The following DRC8 variants were observed in gnomAD, a reference collection of about 807,000 sequenced individuals.
The protein encoded by DRC8 is dynein regulatory complex subunit 8.
chr1:244,970,693 T>TC, the DRC8 span: 1 of 368,050 alleles, frequency 2.7e-6, no homozygotes, highest in Non-Finnish European at 4.4e-6. Flanking sequence ...CTCTCCCCTC[T>TC]TCCCTCCCTC....
At chr1:244,970,241 G>C in the DRC8 span, 1 of 701,830 alleles carries the variant, frequency 1.4e-6, no homozygotes, top group South Asian at 1.5e-5. Context: ...CGCGAAACGG[G>C]GACAGGGCGC....
chr1:245,078,456 TATGTACAC>T, the DRC8 span, among the ~76,000 whole-genome samples: 409 of 14,608 alleles, frequency 0.028, 2 homozygotes, highest in African/African-American at 0.055. Context: ...GTGGATAGTA[TATGTACAC>T]ACACACACAC....
the DRC8 span, among the ~76,000 whole-genome samples, chr1:245,112,857 A>G: frequency 6.6e-6 from 1 of 151,100 alleles, no homozygotes; most frequent in Non-Finnish European, 1.5e-5. Context: ...GAGTTCAAGC[A>G]GTTCTCCTGC....
At chr1:244,987,823 T>C in the DRC8 span, among the ~76,000 whole-genome samples, 2 of 152,166 alleles carry the variant, frequency 1.3e-5, no homozygotes, top group Non-Finnish European at 2.9e-5. Context: ...TATTTTATCT[T>C]AATTTCTGTA....
the DRC8 span, among the ~76,000 whole-genome samples, chr1:245,022,320 ATT>A: frequency 6.9e-6 from 1 of 144,674 alleles, no homozygotes; most frequent in African/African-American, 2.5e-5. Flanking sequence ...CCCCCGGCTA[ATT>A]TTTTTTTTTT....
At chr1:245,112,911 G>A in the DRC8 span, among the ~76,000 whole-genome samples, 125 of 151,998 alleles carry the variant, frequency 8.2e-4, no homozygotes, top group Non-Finnish European at 1.5e-3. Context: ...CTGCCACCAC[G>A]CCCAGCTAAT....
At chr1:244,984,752 T>C in the DRC8 span, among the ~76,000 whole-genome samples, 1 of 151,698 alleles carries the variant, frequency 6.6e-6, no homozygotes, top group Non-Finnish European at 1.5e-5. Flanking sequence ...GGAGAATCGC[T>C]TGAACCTGGG....
At chr1:245,055,485 A>G in the DRC8 span, among the ~76,000 whole-genome samples, 2 of 151,806 alleles carry the variant, frequency 1.3e-5, no homozygotes, top group Non-Finnish European at 1.5e-5. Flanking sequence ...ACACTCGACT[A>G]ATTTTTAAAA....
the DRC8 span, among the ~76,000 whole-genome samples, chr1:245,055,061 G>T: frequency 4.4e-3 from 672 of 152,260 alleles, 1 homozygote; most frequent in African/African-American, 0.015. Flanking sequence ...GAATTTCAGG[G>T]AACAGAACAG....
chr1:245,082,407 A>G, the DRC8 span, among the ~76,000 whole-genome samples: 1 of 152,258 alleles, frequency 6.6e-6, no homozygotes, highest in Non-Finnish European at 1.5e-5. Context: ...AAGATCGTAA[A>G]TCAACATTCT....
chr1:245,017,522 G>A, the DRC8 span, among the ~76,000 whole-genome samples: 2 of 151,264 alleles, frequency 1.3e-5, no homozygotes, highest in African/African-American at 4.9e-5. Flanking sequence ...TCATACTCTG[G>A]TAGAAACAAT....
the DRC8 span, among the ~76,000 whole-genome samples, chr1:244,971,605 ATAT>A: frequency 1.3e-5 from 2 of 152,248 alleles, no homozygotes; most frequent in Admixed American, 1.3e-4. Flanking sequence ...AGTGAAAATA[ATAT>A]TCGTCCTTTG....
the DRC8 span, among the ~76,000 whole-genome samples, chr1:245,028,413 A>C: frequency 1.3e-5 from 2 of 152,172 alleles, no homozygotes; most frequent in African/African-American, 4.8e-5. Context: ...CAAAGATCTT[A>C]TTTCTCTCCT....
At chr1:245,061,142 CATGTGGCCTTCA>C in the DRC8 span, among the ~76,000 whole-genome samples, 2 of 152,244 alleles carry the variant, frequency 1.3e-5, no homozygotes, top group Non-Finnish European at 2.9e-5. Flanking sequence ...CACTTATAGC[CATGTGGCCTTCA>C]ATGAGCCACT....
the DRC8 span, among the ~76,000 whole-genome samples, chr1:245,094,127 T>C: frequency 6.6e-6 from 1 of 152,294 alleles, no homozygotes; most frequent in East Asian, 1.9e-4. Flanking sequence ...TCACTGTTAA[T>C]GAGAATAGAG....
At chr1:245,012,520 A>G in the DRC8 span, among the ~76,000 whole-genome samples, 1 of 144,466 alleles carries the variant, frequency 6.9e-6, no homozygotes, top group South Asian at 2.1e-4. Context: ...TTCAGGAAAT[A>G]TATAATCAAT....
the DRC8 span, among the ~76,000 whole-genome samples, chr1:245,083,049 ACCACCAGGCCAG>A: frequency 2.0e-5 from 3 of 152,074 alleles, no homozygotes; most frequent in African/African-American, 7.2e-5. Flanking sequence ...GGGATCCCCA[ACCACCAGGCCAG>A]GTACTGGTGC....
the DRC8 span, among the ~76,000 whole-genome samples, chr1:244,980,388 GT>G: frequency 8.2e-4 from 125 of 152,010 alleles, 2 homozygotes; most frequent in Admixed American, 1.3e-3. Flanking sequence ...AAAAAATAAA[GT>G]TTTTTTTAGC....
At chr1:245,062,474 C>A in the DRC8 span, among the ~76,000 whole-genome samples, 1 of 152,154 alleles carries the variant, frequency 6.6e-6, no homozygotes, top group East Asian at 1.9e-4. Context: ...CTTCTAGGAT[C>A]TTCAGGGTAT....
Sources: allele counts gnomAD v4.1 joint callset (sites outside exome capture counted in the v4.1 genomes callset), GRCh38; gene constraint gnomAD v4.1.1; transcripts MANE v1.5; gene names NCBI Gene and HGNC (gene_info 2026-07-23, HGNC 2026-07-21).